Variants in GRIK3 observed in about 807,000 individuals in gnomAD.
GRIK3 encodes the protein glutamate ionotropic receptor kainate type subunit 3.
A neutral mutation model predicts 102.5 loss-of-function variants in GRIK3; 29 were observed. The ratio of observed to expected loss-of-function variants is 0.28; its 90% CI spans 0.21 to 0.39. GRIK3 has a LOEUF of 0.39. GRIK3 is among the 10% of genes least tolerant of loss of function. The pLI, the probability that GRIK3 is intolerant of heterozygous loss-of-function variation, is 1.00. For synonymous variants in GRIK3, 511 were observed against 504.9 expected, an observed-to-expected ratio of 1.01 and a Z score of -0.16; for missense variants, 908 against 1,252.4, an observed-to-expected ratio of 0.73 and a Z score of 4.15.
intron 3 of GRIK3, among the ~76,000 whole-genome samples, chr1:36,877,935 C>T (rs1640927738): frequency 2.0e-5 from 3 of 152,212 alleles, no homozygotes; most frequent in African/African-American, 7.2e-5. Context: ...GGGCAGGCAC[C>T]CATTCTTCTA....
chr1:36,918,836 C>A (rs191187180), intron 1 of GRIK3, among the ~76,000 whole-genome samples: 124 of 152,346 alleles, frequency 8.1e-4, no homozygotes, highest in Admixed American at 3.7e-3. Flanking sequence ...CCTGTGTGAG[C>A]AGCCCTCTGA....
At chr1:36,984,402 G>C (rs1642282737) in intron 1 of GRIK3, among the ~76,000 whole-genome samples, 1 of 152,254 alleles carries the variant, frequency 6.6e-6, no homozygotes, top group Non-Finnish European at 1.5e-5. Context: ...GTGGGAGACA[G>C]GGCTAGTGTA....
chr1:36,897,978 A>G (rs1336461801), intron 1 of GRIK3, among the ~76,000 whole-genome samples: 1 of 152,176 alleles, frequency 6.6e-6, no homozygotes, highest in Non-Finnish European at 1.5e-5. Flanking sequence ...GAATGAGATC[A>G]TCTCATTTTC....
Position 36,799,717 on chromosome 1 carries a change from G to C in GRIK3, c.*2134C>G, listed in dbSNP as rs1204272742. ...GGCTTCTCCTGTTTTTACATATATGGGGCCTTGCTGCTTCACATATTTGTC... is the reference window on the plus strand; with the variant it reads ...GGCTTCTCCTGTTTTTACATATATGCGGCCTTGCTGCTTCACATATTTGTC... On this transcript the variant is annotated 3_prime_UTR_variant, in exon 16 of 16. Transcript: ENST00000373091. The C allele has an allele frequency of 1.3e-5, 2 of 152,088 alleles. No homozygotes were observed. The highest frequency in any genetic ancestry group is 3.9e-4 in the East Asian group (2 of 5,182). The allele number at this position is 152,088 out of a possible 1,614,324, so 9.4% of individuals were successfully genotyped here.
At chr1:36,892,122 G>A (rs550365187) in intron 1 of GRIK3, among the ~76,000 whole-genome samples, 5 of 152,262 alleles carry the variant, frequency 3.3e-5, no homozygotes, top group South Asian at 2.1e-4. Context: ...GGGTTCAAGC[G>A]GTTCTCCAAC....
At chr1:37,030,724 C>T (rs1642818360) in intron 1 of GRIK3, among the ~76,000 whole-genome samples, 1 of 152,064 alleles carries the variant, frequency 6.6e-6, no homozygotes, top group Non-Finnish European at 1.5e-5. Flanking sequence ...CAGGCTGGCC[C>T]TCAATCCTAC....
intron 9 of GRIK3, among the ~76,000 whole-genome samples, chr1:36,846,412 C>G (rs1210578849): frequency 1.3e-5 from 2 of 152,182 alleles, no homozygotes; most frequent in African/African-American, 4.8e-5. Context: ...CACAGAGCTG[C>G]TGCTTTCTGC....
At chr1:36,989,619 G>A (rs2123999534) in intron 1 of GRIK3, among the ~76,000 whole-genome samples, 1 of 152,278 alleles carries the variant, frequency 6.6e-6, no homozygotes, top group South Asian at 2.1e-4. Context: ...GGATCTCTGG[G>A]ATCCTCCTGG....
chr1:36,928,280 T>C (rs1641550919), intron 1 of GRIK3, among the ~76,000 whole-genome samples: 2 of 152,150 alleles, frequency 1.3e-5, no homozygotes, highest in South Asian at 2.1e-4. Context: ...GAGGTAGCTG[T>C]AGCAAGAAAA....
In GRIK3 at chr1:36,817,043, G is replaced by A. The variant is rs1642639918; in HGVS notation, c.2091+17C>T. 1 of 1,559,530 alleles carries A rather than the reference G, an allele frequency of 6.4e-7. No homozygotes were observed. ...GGATCAGCTCACGGTGCTGCAATAGGAGGGAGAGGGCCTCACCTTGAAGAA... is the reference window on the plus strand; with the variant it reads ...GGATCAGCTCACGGTGCTGCAATAGAAGGGAGAGGGCCTCACCTTGAAGAA... On this transcript the variant is annotated intron_variant, in intron 13 of 15. Transcript: ENST00000373091.
At chr1:36,927,448 G>T (rs2124310149) in intron 1 of GRIK3, among the ~76,000 whole-genome samples, 1 of 152,136 alleles carries the variant, frequency 6.6e-6, no homozygotes, top group East Asian at 1.9e-4. Flanking sequence ...TTTTTTGCCG[G>T]ATGTGATGAA....
At chr1:36,811,561 G>T (rs1261564217) in intron 13 of GRIK3, among the ~76,000 whole-genome samples, 1 of 152,212 alleles carries the variant, frequency 6.6e-6, no homozygotes, top group African/African-American at 2.4e-5. Context: ...GCCAGGTAAT[G>T]CTGTGAGGTG....
At position 36,850,965 on chromosome 1, in the gene GRIK3, C is replaced by T. The variant is rs576017420; in HGVS notation, c.1213-541G>A. On this transcript the variant is annotated intron_variant, in intron 8 of 15. Coordinates refer to ENST00000373091, the MANE Select transcript of GRIK3 (RefSeq NM_000831.4). This position sits in a 1 kb window ranked among gnomAD's most constrained non-coding sequence, Gnocchi z 4.0. ...TAAGGTAGAATAATCTCTCTCTCTA[C>T]AGCGTCCTTGTGGATATCGGGCCTG... Among the ~76,000 whole-genome samples, 5 of 152,340 alleles carry T rather than the reference C, an allele frequency of 3.3e-5. No individual in the cohort carries two copies. Among genetic ancestry groups the T allele is most frequent in the African/African-American group, 1.2e-4 (5 of 41,576 alleles).
chr1:36,821,070 A>C (rs1642691261), intron 11 of GRIK3, among the ~76,000 whole-genome samples: 2 of 152,128 alleles, frequency 1.3e-5, no homozygotes, highest in Admixed American at 6.6e-5. Context: ...ATTTTGTTTC[A>C]TTTTTTAAAG....
At chr1:36,804,863 G>A in intron 15 of GRIK3, 124 bp downstream of exon 15, 1 of 1,264,134 alleles carries the variant, frequency 7.9e-7, no homozygotes, top group Non-Finnish European at 1.1e-6. Context: ...CTGGCCGACT[G>A]GATGCAGGGT....
intron 2 of GRIK3, among the ~76,000 whole-genome samples, chr1:36,885,680 C>G (rs1641030180): frequency 6.6e-6 from 1 of 152,190 alleles, no homozygotes; most frequent in African/African-American, 2.4e-5. Flanking sequence ...GACTTCCCAG[C>G]TGGGAAGAAC....
chr1:36,835,729 C>T (rs1450278375), intron 10 of GRIK3, among the ~76,000 whole-genome samples: 2 of 152,218 alleles, frequency 1.3e-5, no homozygotes, highest in Non-Finnish European at 2.9e-5. Flanking sequence ...CTCCTTCTGA[C>T]CTCGGTTTCC....
intron 1 of GRIK3, among the ~76,000 whole-genome samples, chr1:36,971,703 G>A (rs1034436082): frequency 6.6e-6 from 1 of 152,130 alleles, no homozygotes. Context: ...GGTGGCCTTC[G>A]GCAGCTCTGA....
intron 1 of GRIK3, among the ~76,000 whole-genome samples, chr1:36,929,760 C>T (rs1422662204): frequency 1.3e-5 from 2 of 152,190 alleles, no homozygotes; most frequent in African/African-American, 4.8e-5. Context: ...ACTTGGTGAC[C>T]TAAAACAACA....
Sources: allele counts gnomAD v4.1 joint callset (sites outside exome capture counted in the v4.1 genomes callset), GRCh38; gene constraint gnomAD v4.1.1; non-coding constraint Gnocchi (gnomAD v3.1); transcripts MANE v1.5; gene names NCBI Gene and HGNC (gene_info 2026-07-23, HGNC 2026-07-21).